Variants in CEP128 observed in about 807,000 individuals in gnomAD.
CEP128 encodes the protein centrosomal protein 128kDa.
A neutral mutation model predicts 156.7 loss-of-function variants in CEP128; 132 were observed. The observed-to-expected ratio is 0.84, with a 90% CI of 0.73 to 0.97. The LOEUF is 0.97. Ranked by LOEUF, CEP128 falls within the 50% of genes least tolerant of loss-of-function variation. The probability of loss-of-function intolerance (pLI) is 0.00; values close to 1 mark genes in which losing one functional copy is unlikely to be tolerated. For missense variants in CEP128, 1,252 were observed against 1,281.9 expected (o/e 0.98, Z 0.36); for synonymous variants, 469 against 448.9 (o/e 1.04, Z -0.57).
At chr14:80,685,518 C>T (rs1011566755) in intron 19 of CEP128, among the ~76,000 whole-genome samples, 2 of 152,092 alleles carry the variant, frequency 1.3e-5, no homozygotes, top group South Asian at 2.1e-4. Flanking sequence ...GGCCATACTG[C>T]CCAAATCAAT....
chr14:80,928,416 A>T (rs1183524415), intron 2 of CEP128, among the ~76,000 whole-genome samples: 1 of 152,178 alleles, frequency 6.6e-6, no homozygotes, highest in African/African-American at 2.4e-5. Flanking sequence ...CATGAATGAA[A>T]AATGTTCTAA....
At chr14:80,708,936 T>C (rs946451381) in intron 19 of CEP128, among the ~76,000 whole-genome samples, 1 of 152,072 alleles carries the variant, frequency 6.6e-6, no homozygotes, top group African/African-American at 2.4e-5. Flanking sequence ...CTAGCTTCAT[T>C]GTAAACTAAA....
Position 80,793,146 on chromosome 14 carries a change from C to G in CEP128, c.1210-36G>C, listed in dbSNP as rs1173465869. ...AGCATGCAAAACATTAGGAACAAATCCTTGTCAAAATTGGATGTGTAGCAT... is the reference window on the plus strand; with the variant it reads ...AGCATGCAAAACATTAGGAACAAATGCTTGTCAAAATTGGATGTGTAGCAT... On this transcript the variant is annotated intron_variant, in intron 13 of 24. Transcript: ENST00000555265. 3 of 1,537,784 alleles carry G rather than the reference C, an allele frequency of 2.0e-6. No homozygotes were observed. In the East Asian group the frequency reaches 6.8e-5, roughly 35 times the overall value.
chr14:80,893,623 C>T (rs1240139525), intron 8 of CEP128, among the ~76,000 whole-genome samples: 3 of 151,494 alleles, frequency 2.0e-5, no homozygotes, highest in African/African-American at 4.8e-5. Flanking sequence ...CTTAAATGCA[C>T]AAAATAAAAT....
At chr14:80,737,387 G>C (rs1431070394) in intron 19 of CEP128, among the ~76,000 whole-genome samples, 6 of 151,352 alleles carry the variant, frequency 4.0e-5, no homozygotes, top group Admixed American at 3.3e-4. Context: ...CTGGGCGACA[G>C]AGCAAGACTC....
At chr14:80,890,984 A>T (rs759688783) in intron 8 of CEP128, among the ~76,000 whole-genome samples, 13 of 152,080 alleles carry the variant, frequency 8.5e-5, no homozygotes, top group African/African-American at 3.1e-4. Flanking sequence ...ATGCAAATCA[A>T]AACTACAATG....
intron 3 of CEP128, among the ~76,000 whole-genome samples, chr14:80,915,193 T>C (rs910692099): frequency 2.3e-4 from 34 of 150,628 alleles, no homozygotes; most frequent in Non-Finnish European, 4.6e-4. Context: ...TTTTTTTTTT[T>C]CCTAATTTGT....
intron 15 of CEP128, among the ~76,000 whole-genome samples, chr14:80,783,867 C>A (rs1479714464): frequency 6.6e-6 from 1 of 152,064 alleles, no homozygotes; most frequent in African/African-American, 2.4e-5. Context: ...TAGTAAGGGT[C>A]TTTTACCTAT....
intron 19 of CEP128, among the ~76,000 whole-genome samples, chr14:80,638,579 T>C (rs554358900): frequency 6.6e-6 from 1 of 152,330 alleles, no homozygotes; most frequent in East Asian, 1.9e-4. Flanking sequence ...TACCGTACTG[T>C]ATTCTACTCT....
In CEP128 at chr14:80,761,484, C is replaced by A. The variant is rs1899964894; in HGVS notation, c.2506G>T (p.Asp836Tyr). 2 of 1,611,930 alleles carry A rather than the reference C, an allele frequency of 1.2e-6. No individual in the cohort carries two copies. The highest frequency in any genetic ancestry group is 2.7e-5 in the African/African-American group (2 of 74,884). ...TTGGAGAATGTTTTACAAGCTGCAT[C>A]AATTTCCTTTCCTATCACACCAAGA... The part of the protein sequence containing the change: ...SILGVIGKEI[D>Y]AACKTFSKDS... The change falls in exon 17 of 25, where the codon GAT (aspartate) becomes TAT (tyrosine). Residue 836 changes from aspartate (D) to tyrosine (Y), a missense_variant. Physicochemically the swap from Asp to Tyr is radical, Grantham distance 160 (BLOSUM62 -3). Transcript: ENST00000555265.
chr14:80,549,731 T>G (rs983672971), intron 21 of CEP128, among the ~76,000 whole-genome samples: 3 of 152,214 alleles, frequency 2.0e-5, no homozygotes, highest in Non-Finnish European at 2.9e-5. Context: ...TATTCTTAAG[T>G]GCCCTAGAGC....
At chr14:80,789,546 T>C (rs1465953730) in intron 14 of CEP128, among the ~76,000 whole-genome samples, 1 of 152,164 alleles carries the variant, frequency 6.6e-6, no homozygotes. Context: ...ATAAAACAGG[T>C]TGATGCAAAG....
intron 19 of CEP128, among the ~76,000 whole-genome samples, chr14:80,665,114 T>C (rs1895558826): frequency 6.6e-6 from 1 of 152,214 alleles, no homozygotes. Flanking sequence ...GTCAAGTGCT[T>C]GAAGAAATTT....
rs1402196218 is a variant in CEP128 at position 80,656,307 on chromosome 14, A to ATATTTT, written c.2807-75885_2807-75884insAAAATA. ...TATATATATTTATATATATATATATATATATATATATATATATATATATAT... is the reference window on the plus strand; with the variant it reads ...TATATATATTTATATATATATATATATATTTTTATATATATATATATATATATATAT... On this transcript the variant is annotated intron_variant, in intron 19 of 24. Coordinates refer to ENST00000555265, the MANE Select transcript of CEP128 (RefSeq NM_152446.5). Among the ~76,000 whole-genome samples the ATATTTT allele has an allele frequency of 2.2e-3, 29 of 13,128 alleles. 1 individual carries two copies. Among genetic ancestry groups the ATATTTT allele is most frequent in the African/African-American group, 9.0e-3 (28 of 3,104 alleles). The allele number at this position is 13,128 out of a possible 152,430, so 8.6% of individuals were successfully genotyped here.
intron 19 of CEP128, among the ~76,000 whole-genome samples, chr14:80,596,063 A>T (rs1412612822): frequency 3.3e-5 from 5 of 152,114 alleles, no homozygotes; most frequent in East Asian, 3.9e-4. Context: ...GAAAAAAAAA[A>T]AAAAAAAAGA....
chr14:80,812,422 T>G (rs1160382236), intron 13 of CEP128, among the ~76,000 whole-genome samples: 1 of 152,260 alleles, frequency 6.6e-6, no homozygotes, highest in Non-Finnish European at 1.5e-5. Flanking sequence ...ATATACCCAG[T>G]AATGGGATTT....
chr14:80,774,946 G>C (rs1346458726), intron 16 of CEP128, among the ~76,000 whole-genome samples: 1 of 152,108 alleles, frequency 6.6e-6, no homozygotes, highest in Admixed American at 6.6e-5. Context: ...TTATGATTAG[G>C]TAAATCATAG....
At chr14:80,506,294 G>A (rs72689022) in intron 23 of CEP128, among the ~76,000 whole-genome samples, 10,903 of 150,238 alleles carry the variant, frequency 0.073, 543 homozygotes, top group Non-Finnish European at 0.11. Flanking sequence ...TGGGGGAAGC[G>A]ATTACAGTGA....
intron 20 of CEP128, among the ~76,000 whole-genome samples, chr14:80,569,735 T>A: frequency 6.6e-6 from 1 of 152,230 alleles, no homozygotes; most frequent in East Asian, 1.9e-4. Flanking sequence ...CCTGTTTTTA[T>A]AGGCCCATGA....
Sources: gnomAD v4.1 joint callset for allele counts (sites outside exome capture counted in the v4.1 genomes callset) on GRCh38, gnomAD v4.1.1 for gene constraint, MANE v1.5 for transcripts, NCBI Gene and HGNC (gene_info 2026-07-23, HGNC 2026-07-21) for gene names.